The following ST8SIA6 variants were observed in gnomAD, a reference collection of about 807,000 sequenced individuals.
ST8SIA6 encodes the protein ST8 alpha-N-acetyl-neuraminide alpha-2,8-sialyltransferase 6, also known as alpha-2,8-sialyltransferase 8F.
Under a neutral mutation model 33.6 loss-of-function variants are expected in ST8SIA6, and 39 were observed. The ratio of observed to expected loss-of-function variants is 1.16; its 90% CI spans 0.90 to 1.52. The LOEUF (loss-of-function observed/expected upper bound fraction) is 1.52. Ranked by LOEUF, ST8SIA6 falls within the 40% of genes most tolerant of loss-of-function variation. The pLI is 0.00. For synonymous variants in ST8SIA6, 172 were observed against 167.2 expected, an observed-to-expected ratio of 1.03 and a Z score of -0.22; for missense variants, 441 against 443.8, an observed-to-expected ratio of 0.99 and a Z score of 0.06.
intron 6 of ST8SIA6, among the ~76,000 whole-genome samples, chr10:17,324,462 G>A (rs1848057502): frequency 6.6e-6 from 1 of 151,766 alleles, no homozygotes; most frequent in African/African-American, 2.4e-5. Context: ...CTCAGTAGTG[G>A]GCCTCCCACA....
At chr10:17,437,159 C>T (rs912663970) in intron 2 of ST8SIA6, among the ~76,000 whole-genome samples, 2 of 151,620 alleles carry the variant, frequency 1.3e-5, no homozygotes, top group Non-Finnish European at 2.9e-5. Context: ...CTCTCTCATA[C>T]GTATTTCACA....
Position 17,359,502 on chromosome 10 carries a change from G to GA in ST8SIA6, c.377+11dup. On this transcript the variant is annotated intron_variant, in intron 4 of 7. Transcript: ENST00000377602. ...ATTTTTAAAATCTCATATTATTTAT[G>GA]AAAAAAATTACCTAAAATTTGCATA... is the stretch of plus-strand genomic sequence containing the variant. 3.8e-6 allele frequency: 6 copies of GA among 1,568,328 alleles called. No homozygotes were observed. The highest frequency in any genetic ancestry group is 5.2e-6 in the Non-Finnish European group (6 of 1,147,456).
intron 4 of ST8SIA6, among the ~76,000 whole-genome samples, chr10:17,354,446 A>G (rs948720169): frequency 6.6e-6 from 1 of 152,164 alleles, no homozygotes; most frequent in African/African-American, 2.4e-5. Context: ...AGAATCAATC[A>G]AGCTTTTAAA....
Position 17,435,867 on chromosome 10 carries a change from C to T in ST8SIA6, c.200+17692G>A, listed in dbSNP as rs895984299. Among the ~76,000 whole-genome samples, 5 of 152,162 alleles carry T rather than the reference C, an allele frequency of 3.3e-5. No individual in the cohort carries two copies. In the South Asian group the frequency reaches 1.0e-3, roughly 32 times the overall value. ...GATGCACTTCAAAAAGTTACATCCT[C>T]TCATATCCCAACAACAAAATTACTT... On this transcript the variant is annotated intron_variant, in intron 2 of 7. Coordinates refer to ENST00000377602, the MANE Select transcript of ST8SIA6 (RefSeq NM_001004470.3).
intron 2 of ST8SIA6, among the ~76,000 whole-genome samples, chr10:17,435,893 C>T (rs574971983): frequency 2.6e-5 from 4 of 152,268 alleles, no homozygotes; most frequent in Admixed American, 2.6e-4. Context: ...AAAATTACTT[C>T]TGTGAAAGTT....
At chr10:17,387,294 C>T (rs1850407227) in intron 3 of ST8SIA6, among the ~76,000 whole-genome samples, 1 of 151,676 alleles carries the variant, frequency 6.6e-6, no homozygotes, top group Non-Finnish European at 1.5e-5. Context: ...TCTCGTCACC[C>T]GGGCTGGAGT....
At chr10:17,328,917 G>C (rs1439072518) in intron 5 of ST8SIA6, among the ~76,000 whole-genome samples, 1 of 152,100 alleles carries the variant, frequency 6.6e-6, no homozygotes, top group African/African-American at 2.4e-5. Context: ...GTCCAGGGTG[G>C]GGGTATTGAC....
intron 2 of ST8SIA6, among the ~76,000 whole-genome samples, chr10:17,421,782 G>A (rs1383787620): frequency 6.6e-6 from 1 of 152,114 alleles, no homozygotes; most frequent in Non-Finnish European, 1.5e-5. Flanking sequence ...ATCCAGGCTG[G>A]TCTCAAACTC....
chr10:17,446,085 G>A (rs549074486), intron 2 of ST8SIA6, among the ~76,000 whole-genome samples: 1 of 152,130 alleles, frequency 6.6e-6, no homozygotes, highest in South Asian at 2.1e-4. Flanking sequence ...TGTTTAAGGG[G>A]TATATGGCTC....
intron 2 of ST8SIA6, among the ~76,000 whole-genome samples, chr10:17,415,069 C>G (rs1851561233): frequency 2.0e-5 from 3 of 152,144 alleles, no homozygotes. Context: ...CCTCCCTTGA[C>G]TCCATAATCC....
intron 2 of ST8SIA6, among the ~76,000 whole-genome samples, chr10:17,428,342 A>G (rs976843551): frequency 1.4e-4 from 22 of 152,258 alleles, no homozygotes; most frequent in African/African-American, 5.1e-4. Context: ...GCACATTACA[A>G]ACCCTAATAC....
At chr10:17,358,966 G>A (rs1026118718) in intron 4 of ST8SIA6, among the ~76,000 whole-genome samples, 2 of 152,112 alleles carry the variant, frequency 1.3e-5, no homozygotes, top group African/African-American at 4.8e-5. Context: ...ATTCCTGTCT[G>A]GATGGGCTAC....
chr10:17,388,079 C>G (rs922133852), intron 3 of ST8SIA6, among the ~76,000 whole-genome samples: 1 of 152,218 alleles, frequency 6.6e-6, no homozygotes, highest in Non-Finnish European at 1.5e-5. Flanking sequence ...GTGGACACCC[C>G]AGTCCTGTCT....
At chr10:17,332,049 T>C (rs1848319657) in intron 4 of ST8SIA6, among the ~76,000 whole-genome samples, 1 of 152,192 alleles carries the variant, frequency 6.6e-6, no homozygotes, top group Non-Finnish European at 1.5e-5. Context: ...GTGTGTTTGG[T>C]TTTCTGTTCC....
At chr10:17,425,759 A>T (rs1204220414) in intron 2 of ST8SIA6, among the ~76,000 whole-genome samples, 2 of 141,840 alleles carry the variant, frequency 1.4e-5, no homozygotes, top group Non-Finnish European at 3.1e-5. Context: ...AAGGGAGAGA[A>T]AGAAAGAAAG....
intron 2 of ST8SIA6, among the ~76,000 whole-genome samples, chr10:17,401,145 CAG>C (rs1225450486): frequency 6.6e-6 from 1 of 152,062 alleles, no homozygotes; most frequent in Non-Finnish European, 1.5e-5. Context: ...AACAGACAAA[CAG>C]AGAGCCAAAT....
chr10:17,354,415 G>T (rs186202252), intron 4 of ST8SIA6, among the ~76,000 whole-genome samples: 1 of 152,086 alleles, frequency 6.6e-6, no homozygotes, highest in Non-Finnish European at 1.5e-5. Flanking sequence ...TGGAGGGAAG[G>T]GGGTGGGGAC....
At chr10:17,365,052 T>G in intron 3 of ST8SIA6, among the ~76,000 whole-genome samples, 1 of 152,240 alleles carries the variant, frequency 6.6e-6, no homozygotes, top group East Asian at 1.9e-4. Context: ...TCATCTATTT[T>G]CATAATGAAA....
At chr10:17,404,098 A>C (rs746316960) in intron 2 of ST8SIA6, among the ~76,000 whole-genome samples, 1 of 151,276 alleles carries the variant, frequency 6.6e-6, no homozygotes, top group Admixed American at 6.6e-5. Context: ...AATGGAGGCC[A>C]TAAGAGTGAT....
Sources: allele counts gnomAD v4.1 joint callset (sites outside exome capture counted in the v4.1 genomes callset), GRCh38; gene constraint gnomAD v4.1.1; transcripts MANE v1.5; gene names NCBI Gene and HGNC (gene_info 2026-07-23, HGNC 2026-07-21).